Variants in TENT5D observed in about 807,000 individuals in gnomAD.
The protein encoded by TENT5D is cancer/testis antigen 112.
For missense variants in TENT5D, 191 were observed against 287.0 expected, an observed-to-expected ratio of 0.67 and a Z score of 2.42; for synonymous variants, 103 against 100.6, an observed-to-expected ratio of 1.02 and a Z score of -0.15.
At chrX:80,417,326 A>G (rs1239364585), upstream of TENT5D, among the ~76,000 whole-genome samples, 2 of 110,283 alleles carry the variant, frequency 1.8e-5, no homozygotes, top group African/African-American at 6.6e-5. Context: ...ATATGTGCAG[A>G]TTTCATTCTA....
chrX:80,366,642 C>T (rs1602505580), intron 3 of TENT5D, among the ~76,000 whole-genome samples: 1 of 111,167 alleles, frequency 9.0e-6, no homozygotes, highest in East Asian at 2.8e-4. Flanking sequence ...AGAATGAATG[C>T]TTTATTAAAT....
At chrX:80,430,594 C>T (rs1175579938) in intron 1 of TENT5D, among the ~76,000 whole-genome samples, 3 of 111,635 alleles carry the variant, frequency 2.7e-5, no homozygotes, top group Non-Finnish European at 3.8e-5. Flanking sequence ...GACCATTTGC[C>T]CTCCAGTCTG....
At chrX:80,413,105 A>C (rs1931704076) in intron 3 of TENT5D, among the ~76,000 whole-genome samples, 1 of 111,957 alleles carries the variant, frequency 8.9e-6, no homozygotes, top group African/African-American at 3.2e-5. Context: ...AGCAGAGATA[A>C]ATAACGTATG....
intron 3 of TENT5D, among the ~76,000 whole-genome samples, chrX:80,380,117 C>G (rs1930826598): frequency 9.2e-6 from 1 of 108,739 alleles, no homozygotes. Flanking sequence ...TTTCCCTCTA[C>G]ACAGTGCTTT....
At chrX:80,436,241 G>A (rs1263313675) in intron 1 of TENT5D, among the ~76,000 whole-genome samples, 1 of 110,593 alleles carries the variant, frequency 9.0e-6, no homozygotes, top group Non-Finnish European at 1.9e-5. Context: ...AAATATAGTA[G>A]ACATTCAGAA....
chrX:80,411,234 T>G (rs967037863), intron 3 of TENT5D, among the ~76,000 whole-genome samples: 1 of 109,921 alleles, frequency 9.1e-6, no homozygotes, highest in Non-Finnish European at 1.9e-5. Flanking sequence ...CCCTAAAACT[T>G]AAAGTATAAT....
chrX:80,427,271 A>G (rs1345463517), intron 1 of TENT5D, among the ~76,000 whole-genome samples: 1 of 30,333 alleles, frequency 3.3e-5, no homozygotes, highest in Non-Finnish European at 7.2e-5. Context: ...GTTTTTCAGC[A>G]TAATTAGAGG....
At chrX:80,407,168 G>A (rs1602211420) in intron 3 of TENT5D, among the ~76,000 whole-genome samples, 3 of 108,617 alleles carry the variant, frequency 2.8e-5, no homozygotes, top group South Asian at 4.2e-4. Context: ...AAAGACCATC[G>A]AGACTAGGAA....
intron 1 of TENT5D, among the ~76,000 whole-genome samples, chrX:80,425,900 A>G (rs1931979631): frequency 9.1e-6 from 1 of 110,244 alleles, no homozygotes; most frequent in Non-Finnish European, 1.9e-5. Flanking sequence ...GGTGGTGGGC[A>G]CCTGTAATTC....
intron 3 of TENT5D, among the ~76,000 whole-genome samples, chrX:80,377,394 C>T (rs1335710796): frequency 9.0e-6 from 1 of 111,069 alleles, no homozygotes; most frequent in Non-Finnish European, 1.9e-5. Context: ...CATATACCCA[C>T]TCCACGACAG....
intron 3 of TENT5D, among the ~76,000 whole-genome samples, chrX:80,374,800 G>A (rs1007843016): frequency 5.4e-5 from 6 of 110,955 alleles, no homozygotes; most frequent in African/African-American, 1.6e-4. Context: ...GGACAAGAAG[G>A]GTTTCAGATT....
At chrX:80,381,765 G>C (rs1444946311) in intron 3 of TENT5D, among the ~76,000 whole-genome samples, 1 of 111,801 alleles carries the variant, frequency 8.9e-6, no homozygotes, top group Non-Finnish European at 1.9e-5. Flanking sequence ...ACTGAAGCTT[G>C]TGCATGCGTC....
At chrX:80,444,582 G>GCCA (rs1337414868) in exon 3 of TENT5D, 2 of 122,375 alleles carry the variant, frequency 1.6e-5, no homozygotes, top group Non-Finnish European at 3.8e-5. Context: ...GAGGTTTATA[G>GCCA]CCATAGCATT....
chrX:80,403,170 A>G, intron 3 of TENT5D, among the ~76,000 whole-genome samples: 1 of 112,179 alleles, frequency 8.9e-6, no homozygotes, highest in Non-Finnish European at 1.9e-5. Flanking sequence ...CTGTTGCTCA[A>G]ATATTTTCAA....
At chrX:80,369,315 G>A (rs1930573449) in intron 3 of TENT5D, among the ~76,000 whole-genome samples, 1 of 111,805 alleles carries the variant, frequency 8.9e-6, no homozygotes, top group South Asian at 3.7e-4. Context: ...TTCTCAAATA[G>A]GAATTCAAAA....
chrX:80,385,229 G>C (rs1930967627), intron 3 of TENT5D, among the ~76,000 whole-genome samples: 1 of 111,252 alleles, frequency 9.0e-6, no homozygotes, highest in Admixed American at 9.6e-5. Context: ...CAGAGATATA[G>C]ACCGATGGAA....
intron 1 of TENT5D, among the ~76,000 whole-genome samples, chrX:80,424,107 G>A (rs1472696395): frequency 9.1e-6 from 1 of 109,701 alleles, no homozygotes; most frequent in Non-Finnish European, 1.9e-5. Flanking sequence ...GCTACTTTTT[G>A]CTGGAGATGG....
intron 1 of TENT5D, among the ~76,000 whole-genome samples, chrX:80,436,064 A>G (rs1265651645): frequency 1.8e-5 from 2 of 111,231 alleles, no homozygotes; most frequent in East Asian, 5.7e-4. Flanking sequence ...ATTTTTTTAC[A>G]CTCTACTACT....
At chrX:80,336,148 A>T (rs972761611) in intron 2 of TENT5D, among the ~76,000 whole-genome samples, 1 of 111,478 alleles carries the variant, frequency 9.0e-6, no homozygotes, top group African/African-American at 3.3e-5. Flanking sequence ...CAATTAGTAT[A>T]TTCTCTTACT....
Sources: gnomAD v4.1 joint callset for allele counts (sites outside exome capture counted in the v4.1 genomes callset) on GRCh38, gnomAD v4.1.1 for gene constraint, MANE v1.5 for transcripts, NCBI Gene and HGNC (gene_info 2026-07-23, HGNC 2026-07-21) for gene names.